Variants in EPRS1 observed in about 807,000 individuals in gnomAD.
The protein encoded by EPRS1 is glutamyl-prolyl-tRNA synthetase 1, also known as bifunctional glutamate/proline--tRNA ligase.
Under a neutral mutation model 188.3 loss-of-function variants are expected in EPRS1, and 107 were observed. The observed-to-expected ratio is 0.57, with a 90% CI of 0.49 to 0.67. The LOEUF (loss-of-function observed/expected upper bound fraction) is 0.67. Among genes scored for constraint, EPRS1 ranks in the 30% least tolerant of loss-of-function variants. The probability of loss-of-function intolerance (pLI) is 0.00; values close to 1 mark genes in which losing one functional copy is unlikely to be tolerated. For missense variants in EPRS1, 1,577 were observed against 1,802.2 expected (o/e 0.88, Z 2.26); for synonymous variants, 596 against 593.1 (o/e 1.00, Z -0.07).
rs771472933 is a variant in EPRS1, at chr1:219,973,262, T to C, written c.4220A>G (p.Asp1407Gly). ...CCTTGTGAAAAGGGTGACCTGGATG[T>C]CTTCCAAAATAGCTTGAAGTTTAGT... Reference protein sequence around the residue: ...AETKLQAILEDIQVTLFTRAS... With the variant: ...AETKLQAILEGIQVTLFTRAS... Residue 1407 changes from aspartate (D) to glycine (G), a missense_variant, in exon 29 of 32, where the codon GAC (aspartate) becomes GGC (glycine). Coordinates refer to ENST00000366923, the MANE Select transcript of EPRS1 (RefSeq NM_004446.3). 6 of 1,612,982 alleles carry C rather than the reference T, an allele frequency of 3.7e-6. No individual in the cohort carries two copies. The highest frequency in any genetic ancestry group is 5.1e-6 in the Non-Finnish European group (6 of 1,179,652).
Position 220,012,939 on chromosome 1 carries a change from G to A in EPRS1, c.1495-1883C>T, listed in dbSNP as rs370691211. ...TCAAGAAAACTTTCACTGGAAGGAA[G>A]TCTCCTGATTTGTGGAGTGGGGAGA... On this transcript the variant is annotated intron_variant, in intron 12 of 31. Coordinates refer to ENST00000366923, the MANE Select transcript of EPRS1 (RefSeq NM_004446.3). 3.2e-4 allele frequency among the ~76,000 whole-genome samples: 48 copies of A among 152,342 alleles called. 1 individual carries two copies. The highest frequency in any genetic ancestry group is 3.4e-3 in the Middle Eastern group (1 of 294).
intron 19 of EPRS1, 47 bp downstream of exon 19, chr1:219,988,543 C>T (rs145260846): frequency 4.0e-4 from 529 of 1,319,886 alleles, no homozygotes; most frequent in Middle Eastern, 5.6e-4. Context: ...AAGACAATAC[C>T]CTGAAACATA....
chr1:219,999,784 G>GC (rs1460359130), intron 17 of EPRS1, among the ~76,000 whole-genome samples: 1 of 152,094 alleles, frequency 6.6e-6, no homozygotes, highest in Non-Finnish European at 1.5e-5. Flanking sequence ...GACCAGTCTG[G>GC]CCAACATGGC....
At chr1:219,977,106 C>T (rs755266726) in intron 28 of EPRS1, among the ~76,000 whole-genome samples, 4 of 152,056 alleles carry the variant, frequency 2.6e-5, no homozygotes, top group Non-Finnish European at 4.4e-5. Flanking sequence ...TTTGGTCAAT[C>T]GCTGTCAAAT....
At chr1:220,013,966 C>T (rs557502695) in intron 12 of EPRS1, among the ~76,000 whole-genome samples, 134 of 152,214 alleles carry the variant, frequency 8.8e-4, no homozygotes, top group Admixed American at 1.8e-3. Flanking sequence ...CTTTCCCAAC[C>T]CCCAACTTAA....
At chr1:220,032,720 G>A (rs192460636) in intron 4 of EPRS1, among the ~76,000 whole-genome samples, 194 bp from the exon 5 acceptor site, 2 of 152,172 alleles carry the variant, frequency 1.3e-5, no homozygotes, top group Admixed American at 6.5e-5. Context: ...TTCCATAACC[G>A]TAGATACAAC....
At chr1:220,011,170 A>T in intron 12 of EPRS1, 114 bp from the exon 13 acceptor site, 2 of 592,662 alleles carry the variant, frequency 3.4e-6, no homozygotes, top group Non-Finnish European at 6.0e-6. Flanking sequence ...GCATTTACTA[A>T]TTTTTTTTCA....
At position 219,968,834 on chromosome 1, in the gene EPRS1, T is replaced by C. The variant is rs766916195; in HGVS notation, c.4511A>G (p.Tyr1504Cys). The C allele has an allele frequency of 3.1e-6, 5 of 1,614,052 alleles. No homozygotes were observed. The East Asian group carries it at 1.1e-4, about 36-fold the overall frequency. The change falls in exon 32 of 32, where the codon TAC (tyrosine) becomes TGC (cysteine). Residue 1504 changes from tyrosine (Y) to cysteine (C), a missense_variant. By Grantham distance (194) the Tyr-to-Cys change is radical (BLOSUM62 -2). This residue lies in a region of EPRS1 where 296 missense variants were observed against 327.9 expected (regional missense o/e 0.90). Coordinates refer to ENST00000366923, the MANE Select transcript of EPRS1 (RefSeq NM_004446.3). ...GTAGCTGCGACCAAATAAGGTGTAG[T>C]ACTTGGCAGGGTTCTTGCCACAGAC... ...KCVCGKNPAK[Y>C]YTLFGRSY
intron 20 of EPRS1, among the ~76,000 whole-genome samples, chr1:219,986,363 C>T (rs1052842182): frequency 2.6e-5 from 4 of 152,286 alleles, no homozygotes; most frequent in South Asian, 4.1e-4. Context: ...AGATGATATA[C>T]ATATATTTTT....
chr1:220,010,506 C>A (rs1661580808), intron 13 of EPRS1, among the ~76,000 whole-genome samples: 1 of 152,064 alleles, frequency 6.6e-6, no homozygotes, highest in Admixed American at 6.6e-5. Context: ...CAAATCCTGA[C>A]AATGTTGAAT....
intron 18 of EPRS1, 69 bp downstream of exon 18, chr1:219,996,914 T>G: frequency 1.7e-4 from 243 of 1,440,972 alleles, no homozygotes; most frequent in Non-Finnish European, 2.1e-4. Flanking sequence ...TATAAGAAGA[T>G]GAGACTACTC....
chr1:220,001,520 C>A (rs1370441342), intron 16 of EPRS1, among the ~76,000 whole-genome samples: 1 of 152,128 alleles, frequency 6.6e-6, no homozygotes, highest in Admixed American at 6.5e-5. Flanking sequence ...CACATGCCAC[C>A]ACACTAATTT....
chr1:219,968,853 C>T lies in EPRS1; in HGVS notation c.4492G>A (p.Gly1498Ser). Reference protein sequence around the residue: ...ELQPGAKCVCGKNPAKYYTLF... With the variant: ...ELQPGAKCVCSKNPAKYYTLF... ...GTGTAGTACTTGGCAGGGTTCTTGC[C>T]ACAGACACATTTGGCTCCAGGCTGC... is the stretch of plus-strand genomic sequence containing the variant. Residue 1498 changes from glycine (G) to serine (S), a missense_variant, in exon 32 of 32, where the codon GGC becomes AGC. By Grantham distance (56) the Gly-to-Ser change is moderately conservative (BLOSUM62 0). This residue lies in a region of EPRS1 where 296 missense variants were observed against 327.9 expected (regional missense o/e 0.90). Coordinates refer to ENST00000366923, the MANE Select transcript of EPRS1 (RefSeq NM_004446.3). 3 of 1,614,148 alleles carry T rather than the reference C, an allele frequency of 1.9e-6. No individual in the cohort carries two copies. The highest frequency in any genetic ancestry group is 2.5e-6 in the Non-Finnish European group (3 of 1,180,014).
Position 220,034,900 on chromosome 1 carries a change from T to C in EPRS1, c.231+14A>G. On this transcript the variant is annotated intron_variant, in intron 3 of 31. Transcript: ENST00000366923. ...ATAAGACAAAACACACACAACAAAATGTTCATTGCTTACCTCAGTATGTTC... is the reference window on the plus strand; with the variant it reads ...ATAAGACAAAACACACACAACAAAACGTTCATTGCTTACCTCAGTATGTTC... 7.0e-7 allele frequency: 1 copy of C among 1,424,288 alleles called. No homozygotes were observed. 88.2% of individuals were successfully genotyped at this position (1,424,288 alleles called of 1,614,324 possible).
rs1466501615 is a variant in EPRS1 at position 219,968,934 on chromosome 1, C to A, written c.4411G>T (p.Ala1471Ser). The A allele has an allele frequency of 6.2e-7, 1 of 1,613,974 alleles. No individual in the cohort carries two copies. Among genetic ancestry groups the A allele is most frequent in the African/African-American group, 1.3e-5 (1 of 74,912 alleles). The change falls in exon 32 of 32, where the codon GCT becomes TCT. Residue 1471 changes from alanine (A) to serine (S), a missense_variant. Transcript: ENST00000366923. ...TARDQDLEPG[A>S]PSMGAKSLCI... ...AGGCTTTTAGCTCCCATGGATGGAGCACCAGGTTCAAGATCTTGATCCCTG... is the reference window on the plus strand; with the variant it reads ...AGGCTTTTAGCTCCCATGGATGGAGAACCAGGTTCAAGATCTTGATCCCTG...
intron 18 of EPRS1, among the ~76,000 whole-genome samples, chr1:219,993,640 A>C (rs551398669): frequency 6.6e-6 from 1 of 152,356 alleles, no homozygotes; most frequent in South Asian, 2.1e-4. Context: ...ACCTTTGTAG[A>C]AAACTGAATA....
intron 30 of EPRS1, among the ~76,000 whole-genome samples, chr1:219,970,416 C>A (rs1443675837): frequency 3.4e-5 from 1 of 28,992 alleles, no homozygotes; most frequent in Admixed American, 3.3e-4. Context: ...CACAGAAAAT[C>A]GTAAATAAAG....
At chr1:220,011,667 G>C (rs1334263203) in intron 12 of EPRS1, among the ~76,000 whole-genome samples, 1 of 152,190 alleles carries the variant, frequency 6.6e-6, no homozygotes, top group Admixed American at 6.5e-5. Context: ...GCTAGGGTCT[G>C]TCTCATATAG....
intron 21 of EPRS1, 48 bp downstream of exon 21, chr1:219,984,158 A>G: frequency 7.7e-7 from 1 of 1,305,002 alleles, no homozygotes; most frequent in Non-Finnish European, 1.1e-6. Context: ...CATAAAAAGC[A>G]GCCATTGACA....
Sources: allele counts gnomAD v4.1 joint callset (sites outside exome capture counted in the v4.1 genomes callset), GRCh38; gene constraint gnomAD v4.1.1; regional missense constraint gnomAD v4.1.1; transcripts MANE v1.5; gene names NCBI Gene and HGNC (gene_info 2026-07-23, HGNC 2026-07-21).